Variants in TG observed in about 807,000 individuals in gnomAD.
TG encodes the protein thyroglobulin, also known as thyroid hormones.
TG carries 270 observed loss-of-function variants against 324.7 expected under a neutral mutation model. That is an observed-to-expected ratio of 0.83 (90% CI 0.75 to 0.92). TG has a LOEUF of 0.92. Among genes scored for constraint, TG ranks in the 40% least tolerant of loss-of-function variants. The pLI, the probability that TG is intolerant of heterozygous loss-of-function variation, is 0.00. For synonymous variants in TG, 1,401 were observed against 1,327.0 expected (o/e 1.06, Z -1.21); for missense variants, 3,591 against 3,456.4 (o/e 1.04, Z -0.98).
At chr8:132,868,990 G>T (rs1038477121) in intron 2 of TG, among the ~76,000 whole-genome samples, 1 of 152,164 alleles carries the variant, frequency 6.6e-6, no homozygotes, top group African/African-American at 2.4e-5. Context: ...CTCTTAATGT[G>T]CCTAACCTCC....
intron 35 of TG, among the ~76,000 whole-genome samples, chr8:133,006,202 G>A (rs1834001969): frequency 6.6e-6 from 1 of 152,228 alleles, no homozygotes; most frequent in Non-Finnish European, 1.5e-5. Flanking sequence ...GCTGAGTGAG[G>A]TTTAGAACTC....
chr8:132,999,073 G>A (rs1478952521), intron 35 of TG, among the ~76,000 whole-genome samples: 2 of 152,174 alleles, frequency 1.3e-5, no homozygotes, highest in African/African-American at 4.8e-5. Flanking sequence ...TGAAGGAGGG[G>A]ACATTACAGT....
intron 43 of TG, among the ~76,000 whole-genome samples, chr8:133,105,282 A>G (rs2035275528): frequency 6.6e-6 from 1 of 152,198 alleles, no homozygotes; most frequent in Non-Finnish European, 1.5e-5. Context: ...CAAGAGCAAC[A>G]TCTCTGCTTC....
chr8:133,006,758 T>C (rs940073), intron 35 of TG, among the ~76,000 whole-genome samples: 37,205 of 152,206 alleles, frequency 0.24, 5,051 homozygotes, highest in African/African-American at 0.35. Flanking sequence ...ATTTTGATAG[T>C]AATAGAAAAG....
intron 11 of TG, 30 bp downstream of exon 11, chr8:132,893,959 T>C (rs779059579): frequency 6.2e-7 from 1 of 1,614,008 alleles, no homozygotes; most frequent in Non-Finnish European, 8.5e-7. Flanking sequence ...GCTTTCTTAC[T>C]GCATCGCTTT....
chr8:132,984,918 A>T (rs1831329903), intron 35 of TG, among the ~76,000 whole-genome samples: 1 of 144,650 alleles, frequency 6.9e-6, no homozygotes, highest in African/African-American at 2.7e-5. Flanking sequence ...CAGCCTGAGC[A>T]ACACAGCCTC....
At chr8:132,974,297 T>C (rs1829929201) in intron 34 of TG, among the ~76,000 whole-genome samples, 1 of 152,154 alleles carries the variant, frequency 6.6e-6, no homozygotes, top group Non-Finnish European at 1.5e-5. Flanking sequence ...CCCAGCCACA[T>C]TCTTTATTTC....
chr8:133,049,765 C>A, intron 41 of TG: 1 of 677,180 alleles, frequency 1.5e-6, no homozygotes. Context: ...TCCTTATTGA[C>A]TGGGTTGGGA....
intron 20 of TG, among the ~76,000 whole-genome samples, chr8:132,913,552 A>C (rs2687823): frequency 0.76 from 115,397 of 152,062 alleles, 44,246 homozygotes; most frequent in African/African-American, 0.86. Flanking sequence ...AGGCTAACAT[A>C]CATTTGTATC....
chr8:132,910,356 CT>C, intron 18 of TG, among the ~76,000 whole-genome samples: 1 of 152,224 alleles, frequency 6.6e-6, no homozygotes, highest in East Asian at 1.9e-4. Flanking sequence ...ACAGAGTTCA[CT>C]TTCCTTCTAA....
rs771869543 is a variant in TG at position 132,888,226 on chromosome 8, A to C, written c.2419A>C (p.Met807Leu). The change falls in exon 10 of 48, where the codon ATG becomes CTG. Residue 807 changes from methionine to leucine, a missense_variant. Physicochemically the swap from Met to Leu is conservative, Grantham distance 15 (BLOSUM62 2). Transcript: ENST00000220616. ...LTPAKLLVKI[M>L]SYREAASGNF... is the part of the protein sequence containing the mutation. Reference sequence around the variant, plus strand: ...GCCTGCCAAGCTGCTAGTGAAGATCATGAGCTACAGAGAAGCAGCTTCCGG... The same window carrying C: ...GCCTGCCAAGCTGCTAGTGAAGATCCTGAGCTACAGAGAAGCAGCTTCCGG... The C allele has an allele frequency of 6.2e-7, 1 of 1,614,230 alleles. No individual in the cohort carries two copies. Among genetic ancestry groups the C allele is most frequent in the South Asian group, 1.1e-5 (1 of 91,088 alleles).
intron 5 of TG, among the ~76,000 whole-genome samples, chr8:132,876,522 G>C (rs542515021): frequency 6.6e-6 from 1 of 152,172 alleles, no homozygotes; most frequent in Non-Finnish European, 1.5e-5. Flanking sequence ...CAGCTCATTC[G>C]CTGACCTGCT....
At chr8:133,050,351 T>C (rs1840168729) in intron 41 of TG, 1 of 294,208 alleles carries the variant, frequency 3.4e-6, no homozygotes, top group African/African-American at 2.1e-5. Context: ...TCTGAATCAG[T>C]GAAGATCTAA....
At chr8:133,009,620 A>G (rs903479987) in intron 35 of TG, among the ~76,000 whole-genome samples, 2 of 151,892 alleles carry the variant, frequency 1.3e-5, no homozygotes, top group Admixed American at 1.3e-4. Flanking sequence ...CCTAACCTCC[A>G]ATGGGATGTT....
At chr8:132,929,948 C>T (rs1822454692) in intron 23 of TG, among the ~76,000 whole-genome samples, 3 of 152,104 alleles carry the variant, frequency 2.0e-5, no homozygotes, top group Non-Finnish European at 4.4e-5. Flanking sequence ...GAGTCCCTCA[C>T]CCAGGTAGTG....
intron 45 of TG, among the ~76,000 whole-genome samples, chr8:133,122,977 C>T (rs997132382): frequency 6.6e-6 from 1 of 152,002 alleles, no homozygotes; most frequent in African/African-American, 2.4e-5. Flanking sequence ...CATTTGAGAC[C>T]GGATAACCCT....
Position 132,868,194 on chromosome 8 carries a change from G to A in TG, c.147G>A (p.Val49=), listed in dbSNP as rs753380674. Residue 49 remains valine, a synonymous_variant, in exon 2 of 48, where the codon GTG becomes GTA. Transcript: ENST00000220616. ...CCTTTCTGAAGCAAGCAGACTACGT[G>A]CCCCAGTGTGCAGAGGATGGCAGCT... ...ETAFLKQADY[V]PQCAEDGSFQ... 6.2e-7 allele frequency: 1 copy of A among 1,613,994 alleles called. No individual in the cohort carries two copies. Among genetic ancestry groups the A allele is most frequent in the South Asian group, 1.1e-5 (1 of 91,084 alleles).
intron 24 of TG, among the ~76,000 whole-genome samples, chr8:132,934,719 A>G (rs193277009): frequency 6.6e-6 from 1 of 152,336 alleles, no homozygotes; most frequent in East Asian, 1.9e-4. Context: ...CTGTCCTCCA[A>G]AAATTCCCAC....
At chr8:133,102,564 C>G (rs1564193993) in intron 43 of TG, 2 of 1,551,606 alleles carry the variant, frequency 1.3e-6, no homozygotes, top group East Asian at 2.4e-5. Flanking sequence ...GGTGGAGCAT[C>G]AGGGCTGCCT....
Sources: gnomAD v4.1 joint callset for allele counts (sites outside exome capture counted in the v4.1 genomes callset) on GRCh38, gnomAD v4.1.1 for gene constraint, MANE v1.5 for transcripts, NCBI Gene and HGNC (gene_info 2026-07-23, HGNC 2026-07-21) for gene names.